RPS6KC1: variants seen among roughly 807,000 people sequenced by gnomAD.
RPS6KC1 encodes the protein inactive ribosomal protein S6 kinase delta-1.
In RPS6KC1, 54 loss-of-function variants were observed where a neutral mutation model predicts 103.8. The observed-to-expected ratio is 0.52, with a 90% CI of 0.42 to 0.65. The LOEUF is 0.65. Among genes scored for constraint, RPS6KC1 ranks in the 30% least tolerant of loss-of-function variants. The probability of loss-of-function intolerance (pLI) is 0.00; values close to 1 mark genes in which losing one functional copy is unlikely to be tolerated. For missense variants in RPS6KC1, 1,151 were observed against 1,253.8 expected, an observed-to-expected ratio of 0.92 and a Z score of 1.24; for synonymous variants, 439 against 438.7, an observed-to-expected ratio of 1.00 and a Z score of -0.01.
At chr1:213,448,999 C>A in the RPS6KC1 span, among the ~76,000 whole-genome samples, 1 of 152,164 alleles carries the variant, frequency 6.6e-6, no homozygotes, top group African/African-American at 2.4e-5. Context: ...ATATCGGAAG[C>A]AGTTTCCTTA....
chr1:213,064,451 T>A (rs1252608596), intron 1 of RPS6KC1, among the ~76,000 whole-genome samples: 1 of 150,896 alleles, frequency 6.6e-6, no homozygotes, highest in Non-Finnish European at 1.5e-5. Flanking sequence ...CACTGTAACC[T>A]CCACCTCCCG....
At chr1:213,441,176 C>T in the RPS6KC1 span, among the ~76,000 whole-genome samples, 44 of 152,200 alleles carry the variant, frequency 2.9e-4, no homozygotes, top group Non-Finnish European at 2.8e-4. Context: ...AATGTATCAG[C>T]AGTTGTACAG....
At chr1:213,666,827 C>T in the RPS6KC1 span, among the ~76,000 whole-genome samples, 1 of 152,232 alleles carries the variant, frequency 6.6e-6, no homozygotes, top group African/African-American at 2.4e-5. Flanking sequence ...AGGGCACCAG[C>T]AACAGCTGTT....
At chr1:213,343,440 T>TATATATATATATATATATATATATACAC in the RPS6KC1 span, among the ~76,000 whole-genome samples, 1 of 80,382 alleles carries the variant, frequency 1.2e-5, no homozygotes, top group Non-Finnish European at 2.5e-5. Flanking sequence ...TATATATATA[T>TATATATATATATATATATATATATACAC]ACATACCATG....
chr1:213,623,904 C>T, the RPS6KC1 span, among the ~76,000 whole-genome samples: 1 of 152,178 alleles, frequency 6.6e-6, no homozygotes, highest in East Asian at 1.9e-4. Flanking sequence ...CCCGAGATGT[C>T]GCACTGGGCA....
At chr1:213,460,336 C>A in the RPS6KC1 span, among the ~76,000 whole-genome samples, 1 of 150,784 alleles carries the variant, frequency 6.6e-6, no homozygotes, top group South Asian at 2.1e-4. Context: ...ATGTAATGCC[C>A]TTCTTTGTCT....
chr1:213,566,437 GTTTTTTTTTTTTTTTTTTTT>G, the RPS6KC1 span, among the ~76,000 whole-genome samples: 1 of 48,490 alleles, frequency 2.1e-5, no homozygotes, highest in African/African-American at 8.5e-5. Flanking sequence ...TCAGCCTTTA[GTTTTTTTTTTTTTTTTTTTT>G]TTTTTTTTTT....
At chr1:213,603,883 A>G in the RPS6KC1 span, among the ~76,000 whole-genome samples, 1 of 152,062 alleles carries the variant, frequency 6.6e-6, no homozygotes, top group Non-Finnish European at 1.5e-5. Context: ...CAAAAAAAAG[A>G]GAAAAAAGAA....
chr1:213,490,462 A>T, the RPS6KC1 span, among the ~76,000 whole-genome samples: 1 of 152,080 alleles, frequency 6.6e-6, no homozygotes, highest in Non-Finnish European at 1.5e-5. Flanking sequence ...TTGACTCTGT[A>T]TGAGGTGAAG....
chr1:213,494,482 A>G, the RPS6KC1 span, among the ~76,000 whole-genome samples: 1 of 152,144 alleles, frequency 6.6e-6, no homozygotes, highest in Non-Finnish European at 1.5e-5. Context: ...AGCGGTACTT[A>G]GAAACAAAAG....
chr1:213,456,037 C>A, the RPS6KC1 span, among the ~76,000 whole-genome samples: 18 of 152,144 alleles, frequency 1.2e-4, no homozygotes, highest in South Asian at 2.1e-4. Flanking sequence ...AACTGCTACA[C>A]CTGCTTCGGT....
chr1:213,585,543 A>G, the RPS6KC1 span, among the ~76,000 whole-genome samples: 460 of 152,304 alleles, frequency 3.0e-3, 3 homozygotes, highest in African/African-American at 0.011. Flanking sequence ...GCCCAGTCTG[A>G]AGTCCTGATC....
chr1:213,227,750 C>G (rs535944077), intron 8 of RPS6KC1, among the ~76,000 whole-genome samples: 2 of 152,334 alleles, frequency 1.3e-5, no homozygotes, highest in Admixed American at 1.3e-4. Context: ...CACCTGAGAG[C>G]CAGCAGCCAT....
At chr1:213,186,051 A>C (rs2092513195) in intron 8 of RPS6KC1, among the ~76,000 whole-genome samples, 1 of 151,628 alleles carries the variant, frequency 6.6e-6, no homozygotes, top group South Asian at 2.1e-4. Context: ...TTTGAGTTTT[A>C]GTTGTCTCAC....
At chr1:213,724,295 G>A in the RPS6KC1 span, among the ~76,000 whole-genome samples, 1 of 152,170 alleles carries the variant, frequency 6.6e-6, no homozygotes, top group Non-Finnish European at 1.5e-5. Flanking sequence ...GGCCAGGCTG[G>A]TCTCAAACTC....
Position 213,086,368 on chromosome 1 carries a change from C to G in RPS6KC1, c.262+8552C>G, listed in dbSNP as rs55908844. On this transcript the variant is annotated intron_variant, in intron 3 of 14. Transcript: ENST00000366960. ...AGAGCTTCCTGCTTGCCAGTCTCAG[C>G]CTGTAGTTCCTTGCCCATGAAGTTT... Among the ~76,000 whole-genome samples the G allele has an allele frequency of 3.7e-3, 570 of 152,290 alleles. 5 individuals are homozygous for G. The highest frequency in any genetic ancestry group is 0.013 in the African/African-American group (531 of 41,568).
At chr1:213,374,556 G>A in the RPS6KC1 span, among the ~76,000 whole-genome samples, 2 of 152,204 alleles carry the variant, frequency 1.3e-5, no homozygotes, top group Non-Finnish European at 2.9e-5. Flanking sequence ...CCAAAGAATA[G>A]AGGTTTTGAA....
chr1:213,152,987 C>T (rs999505273), intron 6 of RPS6KC1, among the ~76,000 whole-genome samples: 7 of 152,248 alleles, frequency 4.6e-5, no homozygotes, highest in Non-Finnish European at 7.3e-5. Flanking sequence ...TCTGCAATCC[C>T]GGCACCTCAG....
chr1:213,269,828 T>A (rs2095000286), intron 14 of RPS6KC1, among the ~76,000 whole-genome samples: 1 of 151,812 alleles, frequency 6.6e-6, no homozygotes, highest in African/African-American at 2.4e-5. Context: ...GGTGTGAGGA[T>A]CACTTGAGTA....
Sources: gnomAD v4.1 joint callset for allele counts (sites outside exome capture counted in the v4.1 genomes callset) on GRCh38, gnomAD v4.1.1 for gene constraint, MANE v1.5 for transcripts, NCBI Gene and HGNC (gene_info 2026-07-23, HGNC 2026-07-21) for gene names.